Variants in SRGAP1 observed in about 807,000 individuals in gnomAD.
SRGAP1 encodes SLIT-ROBO Rho GTPase activating protein 1.
Under a neutral mutation model 121.9 loss-of-function variants are expected in SRGAP1, and 43 were observed. The observed-to-expected ratio is 0.35, with a 90% CI of 0.28 to 0.46. The LOEUF (loss-of-function observed/expected upper bound fraction) is 0.46, where lower values mean the gene tolerates loss of function less well. Ranked by LOEUF, SRGAP1 falls within the 20% of genes least tolerant of loss-of-function variation. The pLI, the probability that SRGAP1 is intolerant of heterozygous loss-of-function variation, is 1.00. For missense variants in SRGAP1, 1,102 were observed against 1,350.9 expected (o/e 0.82, Z 2.89); for synonymous variants, 447 against 485.4 (o/e 0.92, Z 1.04).
chr12:64,078,439 A>G (rs1016820401), intron 8 of SRGAP1, among the ~76,000 whole-genome samples: 2 of 152,220 alleles, frequency 1.3e-5, no homozygotes, highest in Non-Finnish European at 2.9e-5. Context: ...GGCAAAGCTA[A>G]TATCTAATCT....
At chr12:63,914,470 A>G (rs2030690997) in intron 1 of SRGAP1, among the ~76,000 whole-genome samples, 2 of 152,208 alleles carry the variant, frequency 1.3e-5, no homozygotes, top group South Asian at 2.1e-4. Flanking sequence ...GTCTCCCTAT[A>G]TCTACTACTA....
intron 18 of SRGAP1, among the ~76,000 whole-genome samples, chr12:64,119,092 G>A (rs2036566111): frequency 6.6e-6 from 1 of 152,160 alleles, no homozygotes; most frequent in Non-Finnish European, 1.5e-5. Flanking sequence ...GGTATGGGAT[G>A]AGGTAGGGAT....
chr12:63,887,279 TAAGG>T (rs1900419596), intron 1 of SRGAP1: 1 of 152,182 alleles, frequency 6.6e-6, no homozygotes, highest in Non-Finnish European at 1.5e-5. Context: ...ATCTAGCTCA[TAAGG>T]AAGGATAAGC....
At chr12:63,961,693 C>T (rs979488644) in intron 1 of SRGAP1, among the ~76,000 whole-genome samples, 27 of 152,144 alleles carry the variant, frequency 1.8e-4, no homozygotes, top group African/African-American at 6.3e-4. Flanking sequence ...CACTCATGCC[C>T]TGATTTGTAT....
Position 64,150,346 on chromosome 12 carries a change from CA to C in SRGAP1, c.*7675del, listed in dbSNP as rs1317989926. ...TCCTTCACACCCAACAGCTGTCTAT[CA>C]GGGGTGCTTCCGAGGGTCACTGGGT... On this transcript the variant is annotated 3_prime_UTR_variant, in exon 22 of 22. Transcript: ENST00000355086. 2 of 152,188 alleles carry C rather than the reference CA, an allele frequency of 1.3e-5. No homozygotes were observed. The highest frequency in any genetic ancestry group is 6.5e-5 in the Admixed American group (1 of 15,286). The allele number at this position is 152,188 out of a possible 1,614,324, so 9.4% of individuals were successfully genotyped here. A position where few individuals can be genotyped will look rare whatever the true frequency, so the allele number is the denominator to read the frequency against.
intron 1 of SRGAP1, among the ~76,000 whole-genome samples, chr12:63,901,073 C>A (rs2029905011): frequency 6.6e-6 from 1 of 151,474 alleles, no homozygotes; most frequent in Non-Finnish European, 1.5e-5. Context: ...CATTTATTTG[C>A]CAGGCATTTT....
At chr12:64,113,837 C>T (rs2036472768) in intron 17 of SRGAP1, among the ~76,000 whole-genome samples, 3 of 152,162 alleles carry the variant, frequency 2.0e-5, no homozygotes, top group Admixed American at 6.6e-5. Flanking sequence ...TGTGAGTCTT[C>T]TTACTCAGCA....
At chr12:63,881,849 AAGTT>A (rs1900205750) in intron 1 of SRGAP1, among the ~76,000 whole-genome samples, 1 of 152,232 alleles carries the variant, frequency 6.6e-6, no homozygotes, top group Non-Finnish European at 1.5e-5. Flanking sequence ...TTTGAAATAA[AAGTT>A]AGCTTTAACT....
intron 1 of SRGAP1, among the ~76,000 whole-genome samples, chr12:63,916,043 T>G (rs2136321809): frequency 6.7e-6 from 1 of 148,450 alleles, no homozygotes; most frequent in African/African-American, 2.5e-5. Flanking sequence ...TTTTTTTTTT[T>G]TTTTTTTGAG....
At chr12:64,110,651 T>C (rs920764278) in intron 16 of SRGAP1, among the ~76,000 whole-genome samples, 6 of 152,246 alleles carry the variant, frequency 3.9e-5, no homozygotes, top group African/African-American at 1.4e-4. Flanking sequence ...AGTATGTCTT[T>C]TGGAAATTAG....
chr12:64,130,350 C>G (rs573283435), intron 21 of SRGAP1, among the ~76,000 whole-genome samples: 3 of 152,254 alleles, frequency 2.0e-5, no homozygotes, highest in African/African-American at 7.2e-5. Context: ...ACATTCCTCC[C>G]TCTGGAACTG....
intron 10 of SRGAP1, among the ~76,000 whole-genome samples, 192 bp from the exon 11 acceptor site, chr12:64,086,807 A>G (rs536146325): frequency 2.6e-5 from 4 of 151,010 alleles, no homozygotes; most frequent in South Asian, 4.2e-4. Context: ...AATTTTATGT[A>G]TAGATTTTAT....
intron 18 of SRGAP1, among the ~76,000 whole-genome samples, chr12:64,122,315 A>AGT (rs1349082678): frequency 7.2e-5 from 11 of 152,332 alleles, no homozygotes; most frequent in Non-Finnish European, 5.9e-5. Context: ...AGGACCTTGA[A>AGT]GTACTGTGAG....
chr12:63,904,346 T>A (rs1239049480), intron 1 of SRGAP1, among the ~76,000 whole-genome samples: 1 of 152,186 alleles, frequency 6.6e-6, no homozygotes, highest in Non-Finnish European at 1.5e-5. Flanking sequence ...ACTCCCGTGT[T>A]GTGTCCTTAG....
intron 8 of SRGAP1, among the ~76,000 whole-genome samples, chr12:64,071,772 C>T (rs1247157950): frequency 1.3e-5 from 2 of 151,918 alleles, no homozygotes; most frequent in Non-Finnish European, 2.9e-5. Flanking sequence ...TGTTCAAAAA[C>T]AAGAGAGCCT....
intron 16 of SRGAP1, among the ~76,000 whole-genome samples, chr12:64,110,541 A>C (rs1165689577): frequency 6.6e-6 from 1 of 152,212 alleles, no homozygotes; most frequent in East Asian, 1.9e-4. Flanking sequence ...TTTTACTGCA[A>C]AATCAAAACT....
At chr12:63,933,465 C>CT (rs2031553391) in intron 1 of SRGAP1, among the ~76,000 whole-genome samples, 1 of 152,052 alleles carries the variant, frequency 6.6e-6, no homozygotes, top group South Asian at 2.1e-4. Flanking sequence ...CTATTAATGT[C>CT]TATGAACCCA....
At chr12:64,025,008 G>T (rs2034622441) in intron 4 of SRGAP1, among the ~76,000 whole-genome samples, 1 of 152,174 alleles carries the variant, frequency 6.6e-6, no homozygotes, top group Admixed American at 6.5e-5. Context: ...TGTAAATGGA[G>T]GATGGAGGCT....
chr12:64,121,007 C>CTTTTTTT (rs35809572), intron 18 of SRGAP1, among the ~76,000 whole-genome samples: 6 of 116,012 alleles, frequency 5.2e-5, no homozygotes, highest in African/African-American at 6.2e-5. Context: ...TTCTTTGTGT[C>CTTTTTTT]TTTTTTTTTT....
Sources: allele counts gnomAD v4.1 joint callset (sites outside exome capture counted in the v4.1 genomes callset), GRCh38; gene constraint gnomAD v4.1.1; transcripts MANE v1.5; gene names NCBI Gene and HGNC (gene_info 2026-07-23, HGNC 2026-07-21).